DNAH9: variants seen among roughly 807,000 people sequenced by gnomAD.
DNAH9 encodes the protein DNAH9 variant protein.
Under a neutral mutation model 471.6 loss-of-function variants are expected in DNAH9, and 345 were observed. The ratio of observed to expected loss-of-function variants is 0.73; its 90% CI spans 0.67 to 0.80. The LOEUF (loss-of-function observed/expected upper bound fraction) is 0.80, where lower values mean the gene tolerates loss of function less well. Ranked by LOEUF, DNAH9 falls within the 30% of genes least tolerant of loss-of-function variation. DNAH9 has a pLI of 0.00. For synonymous variants in DNAH9, 2,093 were observed against 2,123.6 expected (o/e 0.99, Z 0.40); for missense variants, 5,407 against 5,609.2 (o/e 0.96, Z 1.15).
chr17:11,659,263 CA>C (rs1014672393), intron 14 of DNAH9, among the ~76,000 whole-genome samples: 5 of 151,810 alleles, frequency 3.3e-5, no homozygotes, highest in East Asian at 1.9e-4. Context: ...AACTTACTGG[CA>C]AAAAAAATTG....
intron 6 of DNAH9, among the ~76,000 whole-genome samples, chr17:11,620,390 G>A (rs1174705611): frequency 1.3e-5 from 2 of 152,032 alleles, no homozygotes; most frequent in African/African-American, 2.4e-5. Context: ...GCACACGCCT[G>A]TAATCCCAGC....
chr17:11,746,522 A>T (rs1428188007), intron 31 of DNAH9, among the ~76,000 whole-genome samples: 1 of 152,120 alleles, frequency 6.6e-6, no homozygotes, highest in East Asian at 1.9e-4. Flanking sequence ...TGGTTATAAA[A>T]CCATCAGATC....
rs76496376 is a variant in DNAH9 at position 11,757,717 on chromosome 17, G to A, written c.6995+25G>A. 9.3e-4 allele frequency: 1,499 copies of A among 1,612,000 alleles called. 13 individuals are homozygous for A. The African/African-American group carries it at 0.018, about 20-fold the overall frequency. ...GGTAGGCCAAGAAACAAGGAAGATA[G>A]AGAGTTAAAGCAGCAATAAAAAGCC... On this transcript the variant is annotated intron_variant, in intron 35 of 68. Coordinates refer to ENST00000262442, the MANE Select transcript of DNAH9 (RefSeq NM_001372.4).
At chr17:11,624,188 T>C (rs1402629987) in intron 6 of DNAH9, among the ~76,000 whole-genome samples, 2 of 152,194 alleles carry the variant, frequency 1.3e-5, no homozygotes, top group Non-Finnish European at 2.9e-5. Flanking sequence ...ACCTATCCCA[T>C]GCCAGAGCCT....
intron 28 of DNAH9, among the ~76,000 whole-genome samples, chr17:11,728,218 G>A (rs1217508932): frequency 6.6e-6 from 1 of 152,158 alleles, no homozygotes; most frequent in African/African-American, 2.4e-5. Context: ...ACAGAAACAT[G>A]AAGATGGCAG....
At chr17:11,647,235 G>A (rs377343946) in intron 12 of DNAH9, 37 bp downstream of exon 12, 25 of 1,598,944 alleles carry the variant, frequency 1.6e-5, no homozygotes, top group Non-Finnish European at 1.7e-5. Context: ...TTGGGTTCCT[G>A]AAGAGTTTCT....
chr17:11,900,915 A>C (rs1334805498), intron 59 of DNAH9, among the ~76,000 whole-genome samples: 1 of 152,142 alleles, frequency 6.6e-6, no homozygotes, highest in African/African-American at 2.4e-5. Flanking sequence ...TGATGTGGGC[A>C]CTCTAAAGAA....
At chr17:11,889,178 G>C (rs1230574703) in intron 57 of DNAH9, among the ~76,000 whole-genome samples, 1 of 152,196 alleles carries the variant, frequency 6.6e-6, no homozygotes, top group Non-Finnish European at 1.5e-5. Flanking sequence ...CTAGCTTTCT[G>C]TATTGTGTGC....
chr17:11,649,429 AATAAT>A (rs1303387031), intron 12 of DNAH9, among the ~76,000 whole-genome samples: 4 of 152,126 alleles, frequency 2.6e-5, no homozygotes, highest in Non-Finnish European at 5.9e-5. Flanking sequence ...TTGCGTATAA[AATAAT>A]AGTGAATCTT....
intron 34 of DNAH9, among the ~76,000 whole-genome samples, 197 bp from the exon 35 acceptor site, chr17:11,757,348 C>T (rs1967440152): frequency 6.6e-6 from 1 of 152,104 alleles, no homozygotes; most frequent in African/African-American, 2.4e-5. Flanking sequence ...AAGCTGCTCC[C>T]CATCCATCTA....
chr17:11,621,031 ATTGGAC>A (rs1597397052), intron 6 of DNAH9, among the ~76,000 whole-genome samples: 1 of 152,118 alleles, frequency 6.6e-6, no homozygotes, highest in Non-Finnish European at 1.5e-5. Context: ...GTGTTTGCTG[ATTGGAC>A]TTGGAAGGGA....
chr17:11,683,806 C>A (rs1391498410), intron 19 of DNAH9, among the ~76,000 whole-genome samples: 2 of 152,144 alleles, frequency 1.3e-5, no homozygotes, highest in Non-Finnish European at 2.9e-5. Flanking sequence ...GAAGAGGATG[C>A]TTTGAAAAGA....
intron 1 of DNAH9, among the ~76,000 whole-genome samples, chr17:11,604,548 A>G (rs4792152): frequency 0.46 from 69,318 of 151,820 alleles, 16,581 homozygotes; most frequent in East Asian, 0.83. Flanking sequence ...TTAAAGTCCA[A>G]TCGAGATACT....
At chr17:11,843,291 C>T (rs1173935743) in intron 49 of DNAH9, among the ~76,000 whole-genome samples, 2 of 152,128 alleles carry the variant, frequency 1.3e-5, no homozygotes, top group Non-Finnish European at 2.9e-5. Flanking sequence ...GTTAAGGACT[C>T]ATTGCAAAAT....
chr17:11,937,131 A>G lies in DNAH9; in HGVS notation c.12490-221A>G, dbSNP rs1246433277. On this transcript the variant is annotated intron_variant, in intron 65 of 68. Coordinates refer to ENST00000262442, the MANE Select transcript of DNAH9 (RefSeq NM_001372.4). The surrounding 1 kb of genome is among the most constrained non-coding windows in gnomAD (Gnocchi z 4.1). Reference sequence around the variant, plus strand: ...CTCCCAGAAAAAAGAGAATGATAGAATGAATGTGGAAGTTTTGGGAAACGG... The same window carrying G: ...CTCCCAGAAAAAAGAGAATGATAGAGTGAATGTGGAAGTTTTGGGAAACGG... Among the ~76,000 whole-genome samples the G allele has an allele frequency of 6.6e-6, 1 of 152,102 alleles. No homozygotes were observed. Among genetic ancestry groups the G allele is most frequent in the Non-Finnish European group, 1.5e-5 (1 of 68,026 alleles).
chr17:11,804,894 T>G (rs1969610459), intron 43 of DNAH9, among the ~76,000 whole-genome samples: 1 of 150,672 alleles, frequency 6.6e-6, no homozygotes, highest in Non-Finnish European at 1.5e-5. Flanking sequence ...AAAAAAGTTC[T>G]TTGGGGGCCA....
At chr17:11,916,003 G>A (rs1048706789) in intron 61 of DNAH9, among the ~76,000 whole-genome samples, 3 of 152,068 alleles carry the variant, frequency 2.0e-5, no homozygotes, top group African/African-American at 4.8e-5. Context: ...ACTAACAAAC[G>A]AACAAATTAA....
chr17:11,659,612 C>T (rs759605051), intron 14 of DNAH9, among the ~76,000 whole-genome samples: 2 of 152,222 alleles, frequency 1.3e-5, no homozygotes, highest in East Asian at 3.8e-4. Flanking sequence ...ATTAGAAGAA[C>T]CTGTTTTCCC....
At position 11,602,614 on chromosome 17, in the gene DNAH9, T is replaced by C. The variant is rs201912359; in HGVS notation, c.417+3699T>C. Among the ~76,000 whole-genome samples the C allele has an allele frequency of 5.3e-5, 8 of 152,358 alleles. No homozygotes were observed. The East Asian group carries it at 1.5e-3, about 29-fold the overall frequency. On this transcript the variant is annotated intron_variant, in intron 1 of 68. Coordinates refer to ENST00000262442, the MANE Select transcript of DNAH9 (RefSeq NM_001372.4). ...TGCTACCCTTGCGTGTGTATGATTT[T>C]GCCTCCCAACTCACTGTGGCTCTCC...
Sources: gnomAD v4.1 joint callset for allele counts (sites outside exome capture counted in the v4.1 genomes callset) on GRCh38, gnomAD v4.1.1 for gene constraint, Gnocchi (gnomAD v3.1) non-coding constraint, MANE v1.5 for transcripts, NCBI Gene and HGNC (gene_info 2026-07-23, HGNC 2026-07-21) for gene names.